PCDHGA8: variants seen among roughly 807,000 people sequenced by gnomAD.
PCDHGA8 encodes the protein protocadherin gamma-A8.
A neutral mutation model predicts 59.2 loss-of-function variants in PCDHGA8; 45 were observed. The observed-to-expected ratio is 0.76, with a 90% CI of 0.60 to 0.98. The LOEUF is 0.98. Ranked by LOEUF, PCDHGA8 falls within the 50% of genes least tolerant of loss-of-function variation. PCDHGA8 has a pLI of 0.00. For missense variants in PCDHGA8, 1,257 were observed against 1,196.2 expected (o/e 1.05, Z -0.75); for synonymous variants, 531 against 519.0 (o/e 1.02, Z -0.32).
At chr5:141,415,123 G>T (rs1349224471) in intron 1 of PCDHGA8, 3 of 1,613,540 alleles carry the variant, frequency 1.9e-6, no homozygotes. Flanking sequence ...CGTAGTGGCC[G>T]TCCAGGACCA....
intron 1 of PCDHGA8, among the ~76,000 whole-genome samples, chr5:141,484,837 T>C (rs1289449270): frequency 6.6e-6 from 1 of 151,620 alleles, no homozygotes; most frequent in Non-Finnish European, 1.5e-5. Context: ...GGCGAAAAGA[T>C]AGGCTGGGTT....
intron 1 of PCDHGA8, chr5:141,422,879 T>A: frequency 6.2e-7 from 1 of 1,614,240 alleles, no homozygotes; most frequent in Non-Finnish European, 8.5e-7. Context: ...TCGCTGAGCC[T>A]GTTCGTGCTG....
At chr5:141,456,984 C>T (rs374156327) in intron 1 of PCDHGA8, among the ~76,000 whole-genome samples, 1 of 152,082 alleles carries the variant, frequency 6.6e-6, no homozygotes, top group Admixed American at 6.6e-5. Flanking sequence ...AACAAACAAA[C>T]AAACAAAAAC....
chr5:141,427,928 G>A (rs1178662640), intron 1 of PCDHGA8: 2 of 1,583,504 alleles, frequency 1.3e-6, no homozygotes. Flanking sequence ...GCCGGCGCAT[G>A]TTGGTGGGCG....
intron 1 of PCDHGA8, chr5:141,423,057 T>C (rs1443300486): frequency 6.2e-7 from 1 of 1,614,060 alleles, no homozygotes; most frequent in Non-Finnish European, 8.5e-7. Flanking sequence ...ATCGCCTGCT[T>C]AAGGCCAGCG....
chr5:141,477,171 TCA>T lies in PCDHGA8; in HGVS notation c.2425-17633_2425-17632del, dbSNP rs772104411. On this transcript the variant is annotated intron_variant, in intron 1 of 3. Transcript: ENST00000398604. This position sits in a 1 kb window ranked among gnomAD's most constrained non-coding sequence, Gnocchi z 4.9. ...GATGTGAATGACAACGCCCCGGAGA[TCA>T]CAGTCACCTCCGTGTACAGCCCAGT... 6.2e-7 allele frequency: 1 copy of T among 1,614,072 alleles called. No individual in the cohort carries two copies. Among genetic ancestry groups the T allele is most frequent in the Non-Finnish European group, 8.5e-7 (1 of 1,179,988 alleles).
Position 141,427,920 on chromosome 5 carries a change from C to T in PCDHGA8, c.2424+32683C>T, listed in dbSNP as rs552823212. The T allele has an allele frequency of 3.8e-6, 6 of 1,579,506 alleles. No homozygotes were observed. In the African/African-American group the frequency reaches 4.0e-5, roughly 11 times the overall value. On this transcript the variant is annotated intron_variant, in intron 1 of 3. Transcript: ENST00000398604. The stretch of plus-strand genomic sequence containing the variant: ...GCCCGCGCTCAGCGCCAACATGAGC[C>T]GGCGCATGTTGGTGGGCGACCTCAA...
Position 141,489,690 on chromosome 5 carries a change from A to T in PCDHGA8, c.2425-5117A>T. The T allele has an allele frequency of 6.2e-7, 1 of 1,614,198 alleles. No individual in the cohort carries two copies. The highest frequency in any genetic ancestry group is 8.5e-7 in the Non-Finnish European group (1 of 1,180,024). ...TCTCAGAATCAGCAGCATCTGGGGC[A>T]CGATTCCCACTGGACAGTGCCCAGG... On this transcript the variant is annotated intron_variant, in intron 1 of 3. Coordinates refer to ENST00000398604, the MANE Select transcript of PCDHGA8 (RefSeq NM_032088.2). The surrounding 1 kb of genome is among the most constrained non-coding windows in gnomAD (Gnocchi z 4.5).
intron 1 of PCDHGA8, chr5:141,410,438 G>A (rs957017717): frequency 2.5e-6 from 4 of 1,613,894 alleles, no homozygotes; most frequent in African/African-American, 2.7e-5. Flanking sequence ...CTACAGTGAG[G>A]GGACTTTGCC....
intron 1 of PCDHGA8, chr5:141,403,502 A>G: frequency 6.2e-7 from 1 of 1,613,998 alleles, no homozygotes; most frequent in Non-Finnish European, 8.5e-7. Context: ...GAACGTGCAG[A>G]CTGGAGACAA....
chr5:141,486,400 T>G lies in PCDHGA8; in HGVS notation c.2425-8407T>G. On this transcript the variant is annotated intron_variant, in intron 1 of 3. Transcript: ENST00000398604. This position sits in a 1 kb window ranked among gnomAD's most constrained non-coding sequence, Gnocchi z 5.0. Reference sequence around the variant, plus strand: ...TCAGGAACCAGTTCTCCCTGGTGACTGCTGGACCCTTGGATCGAGAGGCCA... The same window carrying G: ...TCAGGAACCAGTTCTCCCTGGTGACGGCTGGACCCTTGGATCGAGAGGCCA... 5.0e-6 allele frequency: 8 copies of G among 1,614,194 alleles called. No homozygotes were observed. The highest frequency in any genetic ancestry group is 6.8e-6 in the Non-Finnish European group (8 of 1,180,028).
intron 1 of PCDHGA8, among the ~76,000 whole-genome samples, chr5:141,469,414 A>C (rs1455286338): frequency 1.3e-5 from 2 of 152,118 alleles, no homozygotes; most frequent in Non-Finnish European, 2.9e-5. Flanking sequence ...GTTTCTACTA[A>C]AAATATAAAA....
In PCDHGA8 at chr5:141,487,120, T is replaced by C. The variant is rs1342042604; in HGVS notation, c.2425-7687T>C. 1.9e-6 allele frequency: 3 copies of C among 1,613,948 alleles called. No homozygotes were observed. Among genetic ancestry groups the C allele is most frequent in the Admixed American group, 1.7e-5 (1 of 60,028 alleles). ...AGAAGCTGGTCATTGTGGTAAAGGA[T>C]AGTGGTAGTCCACCACTCTCTACCT... On this transcript the variant is annotated intron_variant, in intron 1 of 3. Coordinates refer to ENST00000398604, the MANE Select transcript of PCDHGA8 (RefSeq NM_032088.2). The surrounding 1 kb of genome is among the most constrained non-coding windows in gnomAD (Gnocchi z 5.0).
At position 141,393,710 on chromosome 5, in the gene PCDHGA8, G is replaced by A. The variant is rs143738602; in HGVS notation, c.897G>A (p.Gly299=). 2.5e-6 allele frequency: 4 copies of A among 1,613,794 alleles called. No homozygotes were observed. The highest frequency in any genetic ancestry group is 3.4e-6 in the Non-Finnish European group (4 of 1,179,890). ...TPLFQLNENT[G]EISIAKSLDY... ...TATTCCAGCTTAATGAAAATACTGG[G>A]GAAATATCAATAGCAAAAAGTCTAG... The change falls in exon 1 of 4, where the codon GGG becomes GGA. Residue 299 remains glycine (G), a synonymous_variant. Coordinates refer to ENST00000398604, the MANE Select transcript of PCDHGA8 (RefSeq NM_032088.2).
chr5:141,420,246 T>C (rs1216078492), intron 1 of PCDHGA8: 3 of 1,583,234 alleles, frequency 1.9e-6, no homozygotes, highest in African/African-American at 2.7e-5. Context: ...ACTCCCAGCG[T>C]TGAAGCAGAT....
intron 1 of PCDHGA8, 88 bp downstream of exon 1, chr5:141,395,325 G>T (rs1261775810): frequency 6.8e-7 from 1 of 1,473,892 alleles, no homozygotes; most frequent in Admixed American, 2.5e-5. Context: ...GAAGATAGTT[G>T]AAAATAATTT....
At chr5:141,406,989 T>C (rs1402069577) in intron 1 of PCDHGA8, among the ~76,000 whole-genome samples, 2 of 152,236 alleles carry the variant, frequency 1.3e-5, no homozygotes, top group Non-Finnish European at 2.9e-5. Context: ...TCACAAGACA[T>C]TTGAAAATAA....
intron 1 of PCDHGA8, chr5:141,478,491 G>A: frequency 6.2e-7 from 1 of 1,613,152 alleles, no homozygotes; most frequent in Non-Finnish European, 8.5e-7. Flanking sequence ...CTGCGGAGCT[G>A]TGATCCGGTG....
rs778744503 is a variant in PCDHGA8, at chr5:141,511,152, G to A, written c.2778G>A (p.Ser926=). Residue 926 remains serine (S), a synonymous_variant, in exon 4 of 4, where the codon TCG becomes TCA. Transcript: ENST00000398604. The part of the protein sequence containing the change: ...PAGGNGNKKK[S]GKKEKK ...GTGGCAATGGCAACAAGAAGAAGTCGGGCAAGAAGGAGAAGAAGTAACATG... is the reference window on the plus strand; with the variant it reads ...GTGGCAATGGCAACAAGAAGAAGTCAGGCAAGAAGGAGAAGAAGTAACATG... The A allele has an allele frequency of 2.0e-5, 32 of 1,614,022 alleles. No individual in the cohort carries two copies. Among genetic ancestry groups the A allele is most frequent in the South Asian group, 4.4e-5 (4 of 91,090 alleles).
Sources: gnomAD v4.1 joint callset for allele counts (sites outside exome capture counted in the v4.1 genomes callset) on GRCh38, gnomAD v4.1.1 for gene constraint, Gnocchi (gnomAD v3.1) non-coding constraint, MANE v1.5 for transcripts, NCBI Gene and HGNC (gene_info 2026-07-23, HGNC 2026-07-21) for gene names.